The following ZNF850 variants were observed in gnomAD, a reference collection of about 807,000 sequenced individuals.
ZNF850 encodes the protein zinc finger protein 850.
In ZNF850, 2 loss-of-function variants were observed where a neutral mutation model predicts 11.9. That is an observed-to-expected ratio of 0.17 (90% CI 0.07 to 0.53). ZNF850 has a LOEUF of 0.53. Among genes scored for constraint, ZNF850 ranks in the 20% least tolerant of loss-of-function variants. The pLI is 0.94. For synonymous variants in ZNF850, 381 were observed against 443.0 expected, an observed-to-expected ratio of 0.86 and a Z score of 1.76; for missense variants, 1,014 against 1,316.4, an observed-to-expected ratio of 0.77 and a Z score of 3.55.
At position 36,743,686 on chromosome 19, in the gene ZNF850, A is replaced by G. The variant is rs535156005; in HGVS notation, c.*4081T>C. On this transcript the variant is annotated 3_prime_UTR_variant, in exon 5 of 5. Transcript: ENST00000591344. ...ATCATATTATAAACAAAAGCCATTA[A>G]GTATCTAGAAATAAGTAAAACAAGA... is the stretch of plus-strand genomic sequence containing the variant. 6.6e-6 allele frequency: 1 copy of G among 152,330 alleles called. No individual in the cohort carries two copies. Among genetic ancestry groups the G allele is most frequent in the African/African-American group, 2.4e-5 (1 of 41,584 alleles). 9.4% of individuals were successfully genotyped at this position (152,330 alleles called of 1,614,324 possible).
At chr19:36,761,028 G>A (rs2040514766) in intron 4 of ZNF850, among the ~76,000 whole-genome samples, 1 of 152,086 alleles carries the variant, frequency 6.6e-6, no homozygotes, top group Non-Finnish European at 1.5e-5. Context: ...ATTTCAAAGG[G>A]AAAGAAGTAG....
chr19:36,772,005 CTCTT>C lies in ZNF850; in HGVS notation c.-70+716_-70+719del, dbSNP rs1006086641. Among the ~76,000 whole-genome samples, 12 of 152,232 alleles carry C rather than the reference CTCTT, an allele frequency of 7.9e-5. 1 individual carries two copies. The highest frequency in any genetic ancestry group is 4.4e-5 in the Non-Finnish European group (3 of 68,046). On this transcript the variant is annotated intron_variant, in intron 1 of 4. Transcript: ENST00000591344. ...CCCGCCATAGAGCCGCCAACTCTCT[CTCTT>C]TCTTTAACCCTCGCCTTCCCTTCAA...
intron 1 of ZNF850, among the ~76,000 whole-genome samples, chr19:36,766,648 G>A (rs1263742641): frequency 6.6e-6 from 1 of 152,082 alleles, no homozygotes; most frequent in East Asian, 1.9e-4. Context: ...TTAAGGAAGG[G>A]GGCTGTATAG....
Position 36,750,283 on chromosome 19 carries a change from G to C in ZNF850, c.757C>G (p.His253Asp). The C allele has an allele frequency of 6.5e-7, 1 of 1,536,948 alleles. No homozygotes were observed. The highest frequency in any genetic ancestry group is 1.7e-4 in the Middle Eastern group (1 of 5,990). Reference protein sequence around the residue: ...HQKMYTDERPHECQESVKAFR... With the variant: ...HQKMYTDERPDECQESVKAFR... ...GCCTTCACGGATTCCTGACACTCAT[G>C]AGGTCTCTCATCTGTATACATTTTC... The change falls in exon 5 of 5, where the codon CAT (histidine) becomes GAT (aspartate). Residue 253 changes from histidine to aspartate, a missense_variant. His to Asp is a moderately conservative substitution (Grantham distance 81). Around this residue, in one of 2 missense-constraint regions of ZNF850, gnomAD observed 835 missense variants for 1,022.0 expected, o/e 0.82. Transcript: ENST00000591344.
intron 4 of ZNF850, among the ~76,000 whole-genome samples, chr19:36,759,076 C>T (rs918668092): frequency 7.7e-5 from 10 of 130,662 alleles, no homozygotes; most frequent in South Asian, 4.4e-4. Flanking sequence ...AGCAAGACTC[C>T]GTCTAAAAAA....
chr19:36,768,863 G>A (rs1318264257), intron 1 of ZNF850, among the ~76,000 whole-genome samples: 1 of 151,502 alleles, frequency 6.6e-6, no homozygotes, highest in African/African-American at 2.4e-5. Context: ...TTGGGAGGCT[G>A]AAGTGGGAGG....
Position 36,750,468 on chromosome 19 carries a change from T to C in ZNF850, c.572A>G (p.His191Arg), listed in dbSNP as rs1468027916. The C allele has an allele frequency of 2.0e-6, 3 of 1,536,292 alleles. No homozygotes were observed. The African/African-American group carries it at 4.1e-5, about 21-fold the overall frequency. Residue 191 changes from histidine (H) to arginine (R), a missense_variant, in exon 5 of 5, where the codon CAT becomes CGT. Coordinates refer to ENST00000591344, the MANE Select transcript of ZNF850 (RefSeq NM_001193552.2). ...GSELTQQQETHTGEKLYKCKE... is the reference protein window; with the variant it reads ...GSELTQQQETRTGEKLYKCKE... ...ACATTTATAGAGTTTTTCACCAGTATGGGTTTCTTGCTGTTGTGTAAGTTC... is the reference window on the plus strand; with the variant it reads ...ACATTTATAGAGTTTTTCACCAGTACGGGTTTCTTGCTGTTGTGTAAGTTC...
chr19:36,760,047 A>G (rs2040508948), intron 4 of ZNF850, among the ~76,000 whole-genome samples: 1 of 152,222 alleles, frequency 6.6e-6, no homozygotes. Flanking sequence ...AAGCAGGCAT[A>G]TCCTATTCCT....
intron 4 of ZNF850, among the ~76,000 whole-genome samples, chr19:36,756,669 A>G (rs2040488363): frequency 6.6e-6 from 1 of 152,102 alleles, no homozygotes; most frequent in African/African-American, 2.4e-5. Context: ...GCTGGAGTAC[A>G]ATGGCATGAT....
chr19:36,756,553 A>C (rs995851754), intron 4 of ZNF850, among the ~76,000 whole-genome samples: 1 of 152,150 alleles, frequency 6.6e-6, no homozygotes, highest in Non-Finnish European at 1.5e-5. Flanking sequence ...CTATTTATAG[A>C]TTTACTTCAT....
chr19:36,753,647 A>G (rs2068939233), intron 4 of ZNF850, among the ~76,000 whole-genome samples: 3 of 146,028 alleles, frequency 2.1e-5, no homozygotes, highest in Non-Finnish European at 1.5e-5. Flanking sequence ...AATGGACAGG[A>G]AAAAAAAAAA....
chr19:36,757,038 T>C (rs921469051), intron 4 of ZNF850, among the ~76,000 whole-genome samples: 1 of 152,216 alleles, frequency 6.6e-6, no homozygotes, highest in African/African-American at 2.4e-5. Flanking sequence ...GTGAGATTAC[T>C]CATTCCAAAT....
rs567709722 is a variant in ZNF850, at chr19:36,770,703, CAAAAAAAAAAAAAAAA to C, written c.-70+2006_-70+2021del. ...TCTGGGCGACAGAGAGAGACTCCAT[CAAAAAAAAAAAAAAAA>C]AAAAAAAAAAAAAAAAAAAGCCAGC... On this transcript the variant is annotated intron_variant, in intron 1 of 4. Coordinates refer to ENST00000591344, the MANE Select transcript of ZNF850 (RefSeq NM_001193552.2). Among the ~76,000 whole-genome samples the C allele has an allele frequency of 4.2e-4, 28 of 66,610 alleles. 1 individual carries two copies. In the East Asian group the frequency reaches 5.7e-3, roughly 14 times the overall value. The allele number at this position is 66,610 out of a possible 152,430, so 43.7% of individuals were successfully genotyped here.
chr19:36,767,286 G>A (rs182764129), intron 1 of ZNF850, among the ~76,000 whole-genome samples: 1 of 152,172 alleles, frequency 6.6e-6, no homozygotes, highest in African/African-American at 2.4e-5. Context: ...GTCGGGCACA[G>A]TGGCTCATGC....
Position 36,749,802 on chromosome 19 carries a change from G to C in ZNF850, c.1238C>G (p.Ala413Gly). 6.5e-7 allele frequency: 1 copy of C among 1,540,820 alleles called. No individual in the cohort carries two copies. Among genetic ancestry groups the C allele is most frequent in the Non-Finnish European group, 8.7e-7 (1 of 1,149,444 alleles). Residue 413 changes from alanine to glycine, a missense_variant, in exon 5 of 5, where the codon GCA becomes GGA. Physicochemically the swap from Ala to Gly is moderately conservative, Grantham distance 60. Transcript: ENST00000591344. Reference sequence around the variant, plus strand: ...ATAGGGTTTCTCACCAGTGTGAATTGCCTGGTGTCCAATTAACCCTGAGCG... The same window carrying C: ...ATAGGGTTTCTCACCAGTGTGAATTCCCTGGTGTCCAATTAACCCTGAGCG... ...TFRSGLIGHQ[A>G]IHTGEKPYDC...
intron 1 of ZNF850, among the ~76,000 whole-genome samples, chr19:36,768,894 C>A (rs2040563797): frequency 6.7e-6 from 1 of 149,226 alleles, no homozygotes; most frequent in African/African-American, 2.5e-5. Flanking sequence ...CCCTGGAGGT[C>A]AAGGCTGCAG....
chr19:36,761,820 T>G (rs1157122034), intron 3 of ZNF850, 82 bp from the exon 4 acceptor site: 2 of 755,338 alleles, frequency 2.6e-6, no homozygotes, highest in Non-Finnish European at 4.3e-6. Context: ...CCAAAACAGG[T>G]GGATTGCTTG....
At chr19:36,763,666 C>T (rs575870605) in intron 1 of ZNF850, among the ~76,000 whole-genome samples, 5 of 152,266 alleles carry the variant, frequency 3.3e-5, no homozygotes, top group South Asian at 2.1e-4. Flanking sequence ...TGGTAACCCA[C>T]ACCTGTAATC....
intron 1 of ZNF850, among the ~76,000 whole-genome samples, chr19:36,770,489 A>G (rs560946700): frequency 1.2e-4 from 19 of 152,264 alleles, no homozygotes; most frequent in Admixed American, 4.6e-4. Flanking sequence ...ACCTGAGGTC[A>G]GGAGTTCGCG....
Sources: gnomAD v4.1 joint callset for allele counts (sites outside exome capture counted in the v4.1 genomes callset) on GRCh38, gnomAD v4.1.1 for gene constraint, gnomAD v4.1.1 regional missense constraint, MANE v1.5 for transcripts, NCBI Gene and HGNC (gene_info 2026-07-23, HGNC 2026-07-21) for gene names.